The following KHDRBS2 variants were observed in gnomAD, a reference collection of about 807,000 sequenced individuals.
The protein encoded by KHDRBS2 is KH domain-containing, RNA-binding, signal transduction-associated protein 2.
A neutral mutation model predicts 44.3 loss-of-function variants in KHDRBS2; 26 were observed. The observed-to-expected ratio is 0.59, with a 90% confidence interval of 0.43 to 0.81. KHDRBS2 has a LOEUF of 0.81. KHDRBS2 is among the 40% of genes least tolerant of loss of function. The pLI is 0.00. For missense variants in KHDRBS2, 476 were observed against 433.1 expected, an observed-to-expected ratio of 1.10 and a Z score of -0.88; for synonymous variants, 194 against 151.1, an observed-to-expected ratio of 1.28 and a Z score of -2.08.
At chr6:61,647,467 G>A in the KHDRBS2 span, among the ~76,000 whole-genome samples, 3 of 151,992 alleles carry the variant, frequency 2.0e-5, no homozygotes. Flanking sequence ...ACATGATACA[G>A]AACTCCAATG....
the KHDRBS2 span, among the ~76,000 whole-genome samples, chr6:61,642,744 T>G: frequency 6.6e-6 from 1 of 152,142 alleles, no homozygotes; most frequent in African/African-American, 2.4e-5. Context: ...CATGAGCCTA[T>G]GTGCCTACAT....
chr6:61,611,586 G>A, the KHDRBS2 span, among the ~76,000 whole-genome samples: 26 of 152,204 alleles, frequency 1.7e-4, no homozygotes, highest in Admixed American at 2.6e-4. Context: ...TGTGTGAGTC[G>A]TTTATGTACA....
the KHDRBS2 span, among the ~76,000 whole-genome samples, chr6:61,546,825 T>G: frequency 1.3e-5 from 2 of 152,144 alleles, no homozygotes; most frequent in African/African-American, 4.8e-5. Flanking sequence ...ACATCGTTTA[T>G]TATCATGCAT....
chr6:61,901,168 T>C (rs201726232), intron 5 of KHDRBS2, 76 bp downstream of exon 5: 4 of 1,402,474 alleles, frequency 2.9e-6, no homozygotes, highest in Non-Finnish European at 3.0e-6. Context: ...TTACTGCTAG[T>C]GATAATCATG....
At chr6:61,585,636 G>A in the KHDRBS2 span, among the ~76,000 whole-genome samples, 1 of 152,042 alleles carries the variant, frequency 6.6e-6, no homozygotes, top group South Asian at 2.1e-4. Context: ...GTCCTGAAAT[G>A]TGCTTGAGTC....
chr6:62,221,399 C>A (rs551818589), intron 1 of KHDRBS2, among the ~76,000 whole-genome samples: 1 of 151,988 alleles, frequency 6.6e-6, no homozygotes, highest in South Asian at 2.1e-4. Context: ...CACATTAGGA[C>A]TATAGTTACT....
At chr6:62,237,533 T>C (rs1172915284) in intron 1 of KHDRBS2, among the ~76,000 whole-genome samples, 2 of 152,128 alleles carry the variant, frequency 1.3e-5, no homozygotes, top group East Asian at 1.9e-4. Flanking sequence ...AGAAACATGA[T>C]GGGTGAAAGA....
At chr6:61,563,479 T>C in the KHDRBS2 span, among the ~76,000 whole-genome samples, 1,306 of 152,238 alleles carry the variant, frequency 8.6e-3, 22 homozygotes, top group African/African-American at 0.029. Flanking sequence ...AGGTAAACAT[T>C]AATTCCTAAT....
intron 2 of KHDRBS2, among the ~76,000 whole-genome samples, chr6:62,071,208 T>G (rs1449870650): frequency 6.6e-6 from 1 of 152,152 alleles, no homozygotes; most frequent in East Asian, 1.9e-4. Context: ...TCTTGTAAAT[T>G]TGTTTGAGAT....
At chr6:61,653,578 T>C in the KHDRBS2 span, among the ~76,000 whole-genome samples, 1 of 151,182 alleles carries the variant, frequency 6.6e-6, no homozygotes, top group Non-Finnish European at 1.5e-5. Flanking sequence ...AGTCCTTCCT[T>C]TATGGAACTT....
At chr6:62,029,115 G>A (rs975769136) in intron 3 of KHDRBS2, among the ~76,000 whole-genome samples, 2 of 151,946 alleles carry the variant, frequency 1.3e-5, no homozygotes, top group Non-Finnish European at 2.9e-5. Flanking sequence ...ATTTACCTAA[G>A]TATGGGTAAT....
At chr6:61,752,719 G>A (rs1777898459) in intron 6 of KHDRBS2, among the ~76,000 whole-genome samples, 1 of 148,644 alleles carries the variant, frequency 6.7e-6, no homozygotes, top group Non-Finnish European at 1.5e-5. Flanking sequence ...TGCTCATTGA[G>A]GTCATATTCT....
intron 8 of KHDRBS2, among the ~76,000 whole-genome samples, chr6:61,686,208 C>T (rs1469367207): frequency 3.3e-5 from 5 of 151,604 alleles, no homozygotes; most frequent in South Asian, 2.1e-4. Flanking sequence ...GAAGCTCATG[C>T]GATTTTTGGT....
chr6:61,797,539 A>G (rs888397908), intron 6 of KHDRBS2, among the ~76,000 whole-genome samples: 1 of 152,090 alleles, frequency 6.6e-6, no homozygotes, highest in Non-Finnish European at 1.5e-5. Flanking sequence ...CAAAATATGT[A>G]AGTGCTTTTC....
intron 4 of KHDRBS2, among the ~76,000 whole-genome samples, chr6:61,908,450 C>T (rs1196594763): frequency 4.6e-5 from 7 of 151,394 alleles, no homozygotes; most frequent in South Asian, 2.1e-4. Context: ...CTGGCTAATA[C>T]GGTGAAACGC....
intron 6 of KHDRBS2, among the ~76,000 whole-genome samples, chr6:61,772,488 C>T (rs1303021278): frequency 6.6e-6 from 1 of 152,096 alleles, no homozygotes; most frequent in Non-Finnish European, 1.5e-5. Context: ...GATATCACCA[C>T]CGATCCCACA....
the KHDRBS2 span, among the ~76,000 whole-genome samples, chr6:61,577,832 A>T: frequency 2.9e-4 from 44 of 152,278 alleles, no homozygotes; most frequent in East Asian, 1.2e-3. Flanking sequence ...TTATCCTAAC[A>T]TGTCGAACAT....
chr6:61,732,674 T>G lies in KHDRBS2; in HGVS notation c.893+8A>C. 6.4e-7 allele frequency: 1 copy of G among 1,566,896 alleles called. No individual in the cohort carries two copies. Among genetic ancestry groups the G allele is most frequent in the Non-Finnish European group, 8.8e-7 (1 of 1,137,916 alleles). On this transcript the variant is annotated splice_region_variant and intron_variant, in intron 7 of 8. Transcript: ENST00000281156. ...TGAGAAGGCTGCTTTAGATAGCAAATGCCTTACCTTTGTGTTTGGGTCGCA... is the reference window on the plus strand; with the variant it reads ...TGAGAAGGCTGCTTTAGATAGCAAAGGCCTTACCTTTGTGTTTGGGTCGCA...
intron 2 of KHDRBS2, among the ~76,000 whole-genome samples, chr6:62,092,891 C>T (rs1799746493): frequency 1.3e-5 from 2 of 152,014 alleles, no homozygotes; most frequent in African/African-American, 4.8e-5. Flanking sequence ...CTCTAGCTTT[C>T]ATTGAGATAT....
Sources: gnomAD v4.1 joint callset for allele counts (sites outside exome capture counted in the v4.1 genomes callset) on GRCh38, gnomAD v4.1.1 for gene constraint, MANE v1.5 for transcripts, NCBI Gene and HGNC (gene_info 2026-07-23, HGNC 2026-07-21) for gene names.